Variants in NCBP1 observed in about 807,000 individuals in gnomAD.
NCBP1 encodes the protein nuclear cap binding protein subunit 1.
A neutral mutation model predicts 111.7 loss-of-function variants in NCBP1; 16 were observed. That is an observed-to-expected ratio of 0.14 (90% CI 0.10 to 0.22). The LOEUF (loss-of-function observed/expected upper bound fraction) is 0.22. NCBP1 is among the 10% of genes least tolerant of loss of function. The pLI, the probability that NCBP1 is intolerant of heterozygous loss-of-function variation, is 1.00. For missense variants in NCBP1, 607 were observed against 957.5 expected (o/e 0.63, Z 4.83); for synonymous variants, 304 against 314.3 (o/e 0.97, Z 0.35).
intron 1 of NCBP1, chr9:97,635,931 A>G (rs145469423): frequency 2.6e-5 from 4 of 152,304 alleles, no homozygotes; most frequent in Non-Finnish European, 2.9e-5. Flanking sequence ...ATGTAGAAAA[A>G]TAACTTTTGC....
At chr9:97,665,354 C>T (rs1285121788) in intron 19 of NCBP1, among the ~76,000 whole-genome samples, 3 of 152,156 alleles carry the variant, frequency 2.0e-5, no homozygotes, top group Non-Finnish European at 2.9e-5. Context: ...TTATCCTTAC[C>T]GCATCACCGT....
intron 18 of NCBP1, 41 bp from the exon 19 acceptor site, chr9:97,664,299 A>G (rs4126856): frequency 4.9e-6 from 6 of 1,233,112 alleles, no homozygotes; most frequent in African/African-American, 3.1e-5. Context: ...ATGTGTGTGT[A>G]TGTGTGTGTG....
At chr9:97,656,139 T>A in intron 14 of NCBP1, 54 bp downstream of exon 14, 1 of 1,368,418 alleles carries the variant, frequency 7.3e-7, no homozygotes. Flanking sequence ...TTCTTTCTCT[T>A]CTCTGCACTT....
At chr9:97,641,005 G>A (rs1386965058) in intron 2 of NCBP1, 123 bp downstream of exon 2, 2 of 637,834 alleles carry the variant, frequency 3.1e-6, no homozygotes, top group Non-Finnish European at 5.4e-6. Context: ...CCATGCATCT[G>A]TATCCCAAAT....
chr9:97,664,573 A>T, intron 19 of NCBP1, 130 bp downstream of exon 19: 4 of 598,562 alleles, frequency 6.7e-6, no homozygotes, highest in Non-Finnish European at 8.7e-6. Context: ...ATCTGGTAGG[A>T]TTGGACATGG....
chr9:97,635,356 C>G (rs1033442675), intron 1 of NCBP1, among the ~76,000 whole-genome samples: 1 of 151,848 alleles, frequency 6.6e-6, no homozygotes, highest in Non-Finnish European at 1.5e-5. Context: ...GCTTTGATTT[C>G]TAACACGAGG....
Position 97,666,819 on chromosome 9 carries a change from T to G in NCBP1, c.1958T>G (p.Leu653Arg). 6.2e-7 allele frequency: 1 copy of G among 1,610,736 alleles called. No homozygotes were observed. Among genetic ancestry groups the G allele is most frequent in the African/African-American group, 1.3e-5 (1 of 74,910 alleles). Residue 653 changes from leucine (L) to arginine (R), a missense_variant, in exon 20 of 23, where the codon CTG becomes CGG. Leu to Arg is a moderately radical substitution (Grantham distance 102). Transcript: ENST00000375147. The part of the protein sequence containing the change: ...STIRKMNKHV[L>R]KIQKELEEAK... ...ATTCGTAAGATGAACAAACATGTCC[T>G]GAAGATCCAGAAAGAGCTGGAAGAA... is the stretch of plus-strand genomic sequence containing the variant.
At chr9:97,643,511 A>C in intron 4 of NCBP1, 151 bp downstream of exon 4, 1 of 786,022 alleles carries the variant, frequency 1.3e-6, no homozygotes. Context: ...GATACCCCCA[A>C]ATCTGTAACT....
At chr9:97,652,702 C>G (rs948658332) in intron 10 of NCBP1, among the ~76,000 whole-genome samples, 1 of 152,148 alleles carries the variant, frequency 6.6e-6, no homozygotes, top group African/African-American at 2.4e-5. Context: ...CTAGCTGGGC[C>G]TGATAGGATG....
Position 97,666,784 on chromosome 9 carries a change from G to T in NCBP1, c.1923G>T (p.Leu641Phe). The change falls in exon 20 of 23, where the codon TTG (leucine) becomes TTT (phenylalanine). Residue 641 changes from leucine (L) to phenylalanine (F), a missense_variant. Physicochemically the swap from Leu to Phe is conservative, Grantham distance 22 (BLOSUM62 0). Around this residue, in one of 9 missense-constraint regions of NCBP1, gnomAD observed 282 missense variants for 376.5 expected, o/e 0.75. Coordinates refer to ENST00000375147, the MANE Select transcript of NCBP1 (RefSeq NM_002486.5). ...TAAGATTGTTTGTTTGGGAAATTTTGCACTCTACAATTCGTAAGATGAACA... is the reference window on the plus strand; with the variant it reads ...TAAGATTGTTTGTTTGGGAAATTTTTCACTCTACAATTCGTAAGATGAACA... Reference protein sequence around the residue: ...DFTRLFVWEILHSTIRKMNKH... With the variant: ...DFTRLFVWEIFHSTIRKMNKH... 6.2e-7 allele frequency: 1 copy of T among 1,602,956 alleles called. No homozygotes were observed. The highest frequency in any genetic ancestry group is 8.5e-7 in the Non-Finnish European group (1 of 1,176,032).
intron 8 of NCBP1, among the ~76,000 whole-genome samples, chr9:97,648,518 A>G (rs1827410494): frequency 1.3e-5 from 2 of 152,184 alleles, no homozygotes; most frequent in South Asian, 2.1e-4. Context: ...GGTTTAGCCA[A>G]ATACTAGCTG....
At chr9:97,667,201 C>T (rs907462045) in intron 20 of NCBP1, among the ~76,000 whole-genome samples, 2 of 152,118 alleles carry the variant, frequency 1.3e-5, no homozygotes, top group Admixed American at 6.5e-5. Flanking sequence ...CTGTAGGAGT[C>T]TCTGGGGGAA....
intron 1 of NCBP1, among the ~76,000 whole-genome samples, chr9:97,636,271 AAAAT>A (rs1827022214): frequency 6.6e-6 from 1 of 152,006 alleles, no homozygotes; most frequent in African/African-American, 2.4e-5. Flanking sequence ...TATTTTTTAA[AAAAT>A]AAATCTTAGA....
chr9:97,666,703 G>T (rs529812887), intron 19 of NCBP1, 60 bp from the exon 20 acceptor site: 3 of 1,170,632 alleles, frequency 2.6e-6, no homozygotes, highest in East Asian at 2.5e-5. Context: ...AAAGTTGAAA[G>T]ATTTTATTTT....
chr9:97,664,079 T>A (rs756929435), intron 18 of NCBP1, among the ~76,000 whole-genome samples: 1 of 151,870 alleles, frequency 6.6e-6, no homozygotes, highest in Non-Finnish European at 1.5e-5. Flanking sequence ...CTCAGGAGGT[T>A]GAGGCAGGAG....
chr9:97,634,007 T>TTCTCCCC, intron 1 of NCBP1, 92 bp downstream of exon 1: 1 of 1,384,270 alleles, frequency 7.2e-7, no homozygotes, highest in Non-Finnish European at 9.6e-7. Context: ...CTGGAAGCTC[T>TTCTCCCC]TCTCCCCGGG....
rs1375699508 is a variant in NCBP1 at position 97,660,929 on chromosome 9, C to T, written c.1478-17C>T. On this transcript the variant is annotated splice_polypyrimidine_tract_variant and intron_variant, in intron 15 of 22. Transcript: ENST00000375147. Reference sequence around the variant, plus strand: ...AACCTGATCTGTCATTCCCCTTACCCCCAATTCTGTGTTTAGATTCTCTTC... The same window carrying T: ...AACCTGATCTGTCATTCCCCTTACCTCCAATTCTGTGTTTAGATTCTCTTC... 6 of 1,603,288 alleles carry T rather than the reference C, an allele frequency of 3.7e-6. No homozygotes were observed. Among genetic ancestry groups the T allele is most frequent in the Non-Finnish European group, 5.1e-6 (6 of 1,175,264 alleles).
chr9:97,654,332 T>C (rs1218675686), intron 11 of NCBP1, among the ~76,000 whole-genome samples: 1 of 152,310 alleles, frequency 6.6e-6, no homozygotes, highest in Admixed American at 6.5e-5. Context: ...CATTCAGCAG[T>C]GTTCACAAGG....
intron 15 of NCBP1, among the ~76,000 whole-genome samples, chr9:97,659,161 G>A (rs1473516745): frequency 6.6e-6 from 1 of 152,166 alleles, no homozygotes; most frequent in Non-Finnish European, 1.5e-5. Context: ...CTTACCTTTT[G>A]GTCACATAAT....
Sources: allele counts gnomAD v4.1 joint callset (sites outside exome capture counted in the v4.1 genomes callset), GRCh38; gene constraint gnomAD v4.1.1; regional missense constraint gnomAD v4.1.1; transcripts MANE v1.5; gene names NCBI Gene and HGNC (gene_info 2026-07-23, HGNC 2026-07-21).